The following KLHL22 variants were observed in gnomAD, a reference collection of about 807,000 sequenced individuals.
The protein encoded by KLHL22 is kelch like family member 22.
A neutral mutation model predicts 60.7 loss-of-function variants in KLHL22; 18 were observed. The observed-to-expected ratio is 0.30, with a 90% CI of 0.20 to 0.44. KLHL22 has a LOEUF of 0.44. Among genes scored for constraint, KLHL22 ranks in the 20% least tolerant of loss-of-function variants. The pLI is 1.00. For synonymous variants in KLHL22, 355 were observed against 354.5 expected (o/e 1.00, Z -0.01); for missense variants, 596 against 852.3 (o/e 0.70, Z 3.74).
chr22:20,482,160 C>T (rs1013831035), intron 2 of KLHL22: 13 of 152,262 alleles, frequency 8.5e-5, no homozygotes, highest in African/African-American at 3.1e-4. Flanking sequence ...AAGCAATCCT[C>T]CGGCCTATTC....
intron 2 of KLHL22, among the ~76,000 whole-genome samples, chr22:20,473,864 A>T (rs566200121): frequency 6.6e-6 from 1 of 152,310 alleles, no homozygotes; most frequent in Admixed American, 6.5e-5. Context: ...AACAAGAGTG[A>T]AACTCTGTCA....
At position 20,457,943 on chromosome 22, in the gene KLHL22, G is replaced by A. The variant is rs558930506; in HGVS notation, c.1170C>T (p.Ala390=). 31 of 1,614,166 alleles carry A rather than the reference G, an allele frequency of 1.9e-5. No homozygotes were observed. In the East Asian group the frequency reaches 2.0e-4, roughly 10 times the overall value. The change falls in exon 5 of 7, where the codon GCC becomes GCT. Residue 390 remains alanine, a synonymous_variant. Coordinates refer to ENST00000328879, the MANE Select transcript of KLHL22 (RefSeq NM_032775.4). ...FQIQSLQQEH[A]DLSVCVVGRY... ...TGCCTACAACACACACGGACAGGTC[G>A]GCGTGCTCCTGCTGCAGGGACTGGA...
At chr22:20,474,842 G>A (rs1046287411) in intron 2 of KLHL22, among the ~76,000 whole-genome samples, 2 of 152,214 alleles carry the variant, frequency 1.3e-5, no homozygotes, top group Admixed American at 6.5e-5. Flanking sequence ...TTGCTGGGTC[G>A]AAGGGTTTAC....
chr22:20,468,719 T>C (rs1193658229), intron 3 of KLHL22, among the ~76,000 whole-genome samples: 6 of 152,168 alleles, frequency 3.9e-5, no homozygotes, highest in South Asian at 2.1e-4. Context: ...TGTAGTGGTG[T>C]GGTGATCACA....
intron 3 of KLHL22, among the ~76,000 whole-genome samples, chr22:20,467,652 T>C (rs1193896220): frequency 6.6e-6 from 1 of 152,224 alleles, no homozygotes; most frequent in Non-Finnish European, 1.5e-5. Flanking sequence ...TGCTGGTATT[T>C]ATGTATTTAT....
In KLHL22 at chr22:20,457,982, G is replaced by A. The variant is rs776494024; in HGVS notation, c.1131C>T (p.Asn377=). 20 of 1,614,020 alleles carry A rather than the reference G, an allele frequency of 1.2e-5. No individual in the cohort carries two copies. Among genetic ancestry groups the A allele is most frequent in the Admixed American group, 1.7e-5 (1 of 59,994 alleles). Residue 377 remains asparagine, a synonymous_variant, in exon 5 of 7, where the codon AAC becomes AAT. Transcript: ENST00000328879. ...GCAGGGACTGGATCTGGAACCAGCG[G>A]TTGTGCCGTGGGTCATACCTGTGCC... is the stretch of plus-strand genomic sequence containing the variant. ...SRCWRYDPRH[N]RWFQIQSLQQ... is the part of the protein sequence containing the mutation.
intron 6 of KLHL22, 130 bp from the exon 7 acceptor site, chr22:20,442,568 G>A: frequency 8.7e-7 from 1 of 1,143,604 alleles, no homozygotes; most frequent in Admixed American, 3.0e-5. Context: ...TGGAAGGATG[G>A]CACAGGGCCA....
chr22:20,479,078 G>A (rs1028055401), intron 2 of KLHL22, among the ~76,000 whole-genome samples: 5 of 151,238 alleles, frequency 3.3e-5, no homozygotes, highest in East Asian at 2.0e-4. Context: ...GCAGTGAGCC[G>A]AGATGATGCC....
intron 4 of KLHL22, 50 bp downstream of exon 4, chr22:20,464,808 C>T (rs763116278): frequency 7.6e-6 from 9 of 1,186,678 alleles, no homozygotes; most frequent in East Asian, 4.8e-5. Flanking sequence ...ATGACTTCCA[C>T]ACCCTCTCAT....
chr22:20,458,285 T>C, intron 4 of KLHL22, among the ~76,000 whole-genome samples: 1 of 139,742 alleles, frequency 7.2e-6, no homozygotes, highest in African/African-American at 2.7e-5. Flanking sequence ...TTTTTTTTTT[T>C]TTTTTTTTTT....
Position 20,465,169 on chromosome 22 carries a change from C to T in KLHL22, c.801G>A (p.Arg267=). The change falls in exon 4 of 7, where the codon AGG becomes AGA. Residue 267 remains arginine (R), a synonymous_variant. Coordinates refer to ENST00000328879, the MANE Select transcript of KLHL22 (RefSeq NM_032775.4). This position sits in a 1 kb window ranked among gnomAD's most constrained non-coding sequence, Gnocchi z 4.9. ...LHDKLDPSPL[R]DTVASALMYH... Reference sequence around the variant, plus strand: ...ACATGAGGGCGCTGGCCACTGTGTCCCTCAAAGGGCTGGGGTCCAGCTTGT... The same window carrying T: ...ACATGAGGGCGCTGGCCACTGTGTCTCTCAAAGGGCTGGGGTCCAGCTTGT... 6.2e-7 allele frequency: 1 copy of T among 1,613,902 alleles called. No homozygotes were observed. Among genetic ancestry groups the T allele is most frequent in the Non-Finnish European group, 8.5e-7 (1 of 1,180,016 alleles).
intron 2 of KLHL22, among the ~76,000 whole-genome samples, chr22:20,476,222 C>A (rs1022450530): frequency 1.3e-5 from 2 of 152,112 alleles, no homozygotes; most frequent in African/African-American, 2.4e-5. Context: ...CCTCGGGGCA[C>A]TTTCCCATGC....
At chr22:20,453,869 G>T (rs1386809918) in intron 5 of KLHL22, among the ~76,000 whole-genome samples, 1 of 152,034 alleles carries the variant, frequency 6.6e-6, no homozygotes, top group Non-Finnish European at 1.5e-5. Context: ...CCAGTAGCTG[G>T]GATTACAGGT....
chr22:20,454,661 G>C (rs1378991606), intron 5 of KLHL22, among the ~76,000 whole-genome samples: 1 of 152,058 alleles, frequency 6.6e-6, no homozygotes, highest in South Asian at 2.1e-4. Context: ...AATTTTGATA[G>C]GAATACTAGT....
Position 20,486,364 on chromosome 22 carries a change from C to A in KLHL22, c.227+2621G>T, listed in dbSNP as rs559316926. ...TTTTCACTCCCTATCAGTAGACACA[C>A]CACACTGCCCAGTTTGCAAGTAGCT... On this transcript the variant is annotated intron_variant, in intron 2 of 6. Coordinates refer to ENST00000328879, the MANE Select transcript of KLHL22 (RefSeq NM_032775.4). Among the ~76,000 whole-genome samples the A allele has an allele frequency of 2.6e-5, 4 of 152,168 alleles. 1 individual carries two copies. Among genetic ancestry groups the A allele is most frequent in the African/African-American group, 9.6e-5 (4 of 41,516 alleles).
intron 5 of KLHL22, among the ~76,000 whole-genome samples, chr22:20,448,712 G>A (rs1384080359): frequency 6.6e-6 from 1 of 151,950 alleles, no homozygotes; most frequent in Non-Finnish European, 1.5e-5. Flanking sequence ...TTACAGGCAC[G>A]CATCACCATG....
chr22:20,459,356 G>A (rs187870305), intron 4 of KLHL22, among the ~76,000 whole-genome samples: 4 of 152,296 alleles, frequency 2.6e-5, no homozygotes, highest in African/African-American at 7.2e-5. Context: ...CAGGAATGCA[G>A]CAAACAGGAG....
At chr22:20,484,893 G>A (rs1303406872) in intron 2 of KLHL22, among the ~76,000 whole-genome samples, 1 of 151,946 alleles carries the variant, frequency 6.6e-6, no homozygotes, top group African/African-American at 2.4e-5. Context: ...ACGCCACCAT[G>A]CCCAGCTAAT....
At chr22:20,450,952 G>A in intron 5 of KLHL22, 15 of 1,609,068 alleles carry the variant, frequency 9.3e-6, no homozygotes, top group Non-Finnish European at 1.2e-5. Flanking sequence ...TCGCCTAGGA[G>A]CCAATGAAGT....
Sources: gnomAD v4.1 joint callset for allele counts (sites outside exome capture counted in the v4.1 genomes callset) on GRCh38, gnomAD v4.1.1 for gene constraint, Gnocchi (gnomAD v3.1) non-coding constraint, MANE v1.5 for transcripts, NCBI Gene and HGNC (gene_info 2026-07-23, HGNC 2026-07-21) for gene names.